The following NREP variants were observed in gnomAD, a reference collection of about 807,000 sequenced individuals.
The protein encoded by NREP is neuronal regeneration-related protein.
Under a neutral mutation model 8.6 loss-of-function variants are expected in NREP, and 5 were observed. That is an observed-to-expected ratio of 0.58 (90% CI 0.30 to 1.22). NREP has a LOEUF of 1.22. Among genes scored for constraint, NREP ranks in the 50% most tolerant of loss-of-function variants. The pLI, the probability that NREP is intolerant of heterozygous loss-of-function variation, is 0.07. For synonymous variants in NREP, 27 were observed against 28.0 expected (o/e 0.96, Z 0.11); for missense variants, 86 against 82.5 (o/e 1.04, Z -0.17).
chr5:111,931,014 C>T (rs1581228836), intron 2 of NREP, among the ~76,000 whole-genome samples: 1 of 152,108 alleles, frequency 6.6e-6, no homozygotes, highest in East Asian at 1.9e-4. Flanking sequence ...AGCTAAGACA[C>T]TGAGCATGGC....
At chr5:111,841,552 T>A (rs1383232308) in intron 2 of NREP, among the ~76,000 whole-genome samples, 1 of 152,118 alleles carries the variant, frequency 6.6e-6, no homozygotes, top group Non-Finnish European at 1.5e-5. Flanking sequence ...GTGGAAGACA[T>A]AATGTCTACA....
chr5:111,758,005 A>C, upstream of NREP: 1 of 985,472 alleles, frequency 1.0e-6, no homozygotes. Flanking sequence ...CCTTCCTTTT[A>C]TGTGCCTGTC....
At chr5:111,913,168 A>G (rs914625687) in intron 2 of NREP, among the ~76,000 whole-genome samples, 6 of 152,132 alleles carry the variant, frequency 3.9e-5, no homozygotes, top group Non-Finnish European at 7.4e-5. Flanking sequence ...AGGTTCAGAG[A>G]GGTTAAGTAA....
chr5:111,959,481 A>C (rs538386684), intron 2 of NREP, among the ~76,000 whole-genome samples: 9 of 152,174 alleles, frequency 5.9e-5, no homozygotes, highest in Admixed American at 2.6e-4. Flanking sequence ...AGATAAACAC[A>C]GATAGTCTAA....
intron 2 of NREP, among the ~76,000 whole-genome samples, chr5:111,876,560 G>A (rs1407516336): frequency 2.0e-5 from 3 of 152,170 alleles, no homozygotes; most frequent in African/African-American, 7.2e-5. Flanking sequence ...TTCTTGAACT[G>A]TGTGTACTGC....
intron 2 of NREP, among the ~76,000 whole-genome samples, chr5:111,875,285 C>T (rs923880068): frequency 2.0e-5 from 3 of 151,728 alleles, no homozygotes; most frequent in Non-Finnish European, 2.9e-5. Flanking sequence ...AATAATAGGC[C>T]TCTGAGGCAA....
chr5:111,824,910 G>A (rs562895956), intron 2 of NREP, among the ~76,000 whole-genome samples: 15 of 152,142 alleles, frequency 9.9e-5, no homozygotes, highest in Non-Finnish European at 1.9e-4. Context: ...AGGTCTTTAT[G>A]TAAAGTGCTA....
intron 2 of NREP, among the ~76,000 whole-genome samples, chr5:111,946,074 TCACA>T (rs72097994): frequency 3.2e-5 from 4 of 126,926 alleles, no homozygotes; most frequent in Admixed American, 8.7e-5. Flanking sequence ...GAGATTTTGA[TCACA>T]CACACACACA....
chr5:111,887,937 C>G (rs1754301070), intron 2 of NREP, among the ~76,000 whole-genome samples: 1 of 152,170 alleles, frequency 6.6e-6, no homozygotes, highest in Non-Finnish European at 1.5e-5. Context: ...TACCTTGTTA[C>G]AGCAATTACA....
intron 2 of NREP, among the ~76,000 whole-genome samples, chr5:111,870,384 T>G (rs1050334108): frequency 6.6e-6 from 1 of 152,144 alleles, no homozygotes; most frequent in Admixed American, 6.5e-5. Context: ...AAGCCAAGAT[T>G]GTGCCACTGC....
chr5:111,783,099 GTTCC>G (rs1751532519), intron 2 of NREP, among the ~76,000 whole-genome samples: 3 of 151,996 alleles, frequency 2.0e-5, no homozygotes, highest in Non-Finnish European at 2.9e-5. Context: ...ATGTTTCATT[GTTCC>G]ACAGTATCAG....
rs1033176605 is a variant in NREP, at chr5:111,963,062, C to T, written c.135+12212G>A. Among the ~76,000 whole-genome samples the T allele has an allele frequency of 4.6e-5, 7 of 152,248 alleles. No individual in the cohort carries two copies. The South Asian group carries it at 6.2e-4, about 13-fold the overall frequency. On this transcript the variant is annotated intron_variant, in intron 2 of 3. Transcript: ENST00000395634. ...TTTGCCCTTGCTGGTGGAGGGCAGC[C>T]GCCCTGCGCAACGAGGCAAGGGGCC... is the stretch of plus-strand genomic sequence containing the variant.
At chr5:111,842,074 C>T (rs1753043730) in intron 2 of NREP, among the ~76,000 whole-genome samples, 1 of 150,574 alleles carries the variant, frequency 6.6e-6, no homozygotes, top group African/African-American at 2.4e-5. Context: ...TTCATTCTGA[C>T]ATGATTCCCA....
intron 2 of NREP, among the ~76,000 whole-genome samples, chr5:111,750,271 T>G (rs1189512696): frequency 1.3e-5 from 2 of 152,188 alleles, no homozygotes; most frequent in Admixed American, 1.3e-4. Context: ...TACCCAAATA[T>G]TCTTAAGTCT....
chr5:111,787,256 C>T (rs1356918227), intron 2 of NREP, among the ~76,000 whole-genome samples: 1 of 152,078 alleles, frequency 6.6e-6, no homozygotes, highest in Non-Finnish European at 1.5e-5. Flanking sequence ...CATTCTGAAG[C>T]CACACACACT....
chr5:111,777,208 ATAAT>A (rs1751385303), intron 2 of NREP, among the ~76,000 whole-genome samples: 1 of 152,172 alleles, frequency 6.6e-6, no homozygotes, highest in Non-Finnish European at 1.5e-5. Flanking sequence ...TGGATGGTAC[ATAAT>A]TAATATCATT....
chr5:111,935,915 A>T (rs1248770989), intron 2 of NREP, among the ~76,000 whole-genome samples: 1 of 152,064 alleles, frequency 6.6e-6, no homozygotes, highest in African/African-American at 2.4e-5. Context: ...TAGAGGCCAG[A>T]AGTCCAAAAC....
Position 111,956,715 on chromosome 5 carries a change from G to T in NREP, c.135+18559C>A, listed in dbSNP as rs189146056. On this transcript the variant is annotated intron_variant, in intron 2 of 3. Transcript: ENST00000395634. ...GTGGTGGTTCATGCCTATAATCCCA[G>T]CACTTTGGGAGGTGGAGGCAGGTAG... is the stretch of plus-strand genomic sequence containing the variant. Among the ~76,000 whole-genome samples the T allele has an allele frequency of 7.0e-4, 107 of 152,246 alleles. 2 individuals carry two copies. The South Asian group carries it at 0.01, about 14-fold the overall frequency.
intron 2 of NREP, among the ~76,000 whole-genome samples, chr5:111,844,132 G>T (rs1230727255): frequency 6.6e-6 from 1 of 152,050 alleles, no homozygotes; most frequent in Non-Finnish European, 1.5e-5. Flanking sequence ...TAAAATATAT[G>T]TTTAAAAAGA....
Sources: allele counts gnomAD v4.1 joint callset (sites outside exome capture counted in the v4.1 genomes callset), GRCh38; gene constraint gnomAD v4.1.1; transcripts MANE v1.5; gene names NCBI Gene and HGNC (gene_info 2026-07-23, HGNC 2026-07-21).